The following CDK18 variants were observed in gnomAD, a reference collection of about 807,000 sequenced individuals.
CDK18 encodes the protein cyclin dependent kinase 18.
In CDK18, 52 loss-of-function variants were observed where a neutral mutation model predicts 62.0. That is an observed-to-expected ratio of 0.84 (90% CI 0.67 to 1.06). The LOEUF is 1.06. Among genes scored for constraint, CDK18 ranks in the 50% least tolerant of loss-of-function variants. The pLI, the probability that CDK18 is intolerant of heterozygous loss-of-function variation, is 0.00. For synonymous variants in CDK18, 237 were observed against 247.0 expected (o/e 0.96, Z 0.38); for missense variants, 604 against 619.9 (o/e 0.97, Z 0.27).
intron 13 of CDK18, 45 bp from the exon 14 acceptor site, chr1:205,530,214 G>T: frequency 6.2e-7 from 1 of 1,605,080 alleles, no homozygotes. Flanking sequence ...CAGAGGGTTT[G>T]CAGCCCCCCA....
intron 1 of CDK18, among the ~76,000 whole-genome samples, chr1:205,520,526 C>G (rs1341956388): frequency 6.6e-6 from 1 of 152,002 alleles, no homozygotes; most frequent in Non-Finnish European, 1.5e-5. Context: ...ATGGCGAAAT[C>G]CTGTCTCTAC....
At chr1:205,510,995 C>A (rs899456387) in intron 1 of CDK18, among the ~76,000 whole-genome samples, 1 of 152,198 alleles carries the variant, frequency 6.6e-6, no homozygotes, top group African/African-American at 2.4e-5. Context: ...TCCTGGAATG[C>A]CTCAGCCCTG....
Position 205,528,924 on chromosome 1 carries a change from G to T in CDK18, c.975-75G>T. On this transcript the variant is annotated intron_variant, in intron 10 of 15. Transcript: ENST00000429964. This position sits in a 1 kb window ranked among gnomAD's most constrained non-coding sequence, Gnocchi z 4.2. The stretch of plus-strand genomic sequence containing the variant: ...CAGCCGCCTGTGGCAGGTCGTCATT[G>T]GTGCCCTGGTGGAGCAGCCCTAGGA... 2 of 960,810 alleles carry T rather than the reference G, an allele frequency of 2.1e-6. No homozygotes were observed. The highest frequency in any genetic ancestry group is 1.6e-6 in the Non-Finnish European group (1 of 637,452). The allele number at this position is 960,810 out of a possible 1,614,324, so 59.5% of individuals were successfully genotyped here.
chr1:205,529,429 G>T lies in CDK18; in HGVS notation c.1178G>T (p.Arg393Met). Residue 393 changes from arginine (R) to methionine (M), a missense_variant and splice_region_variant, in exon 12 of 16, where the codon AGG (arginine) becomes ATG (methionine). By Grantham distance (91) the Arg-to-Met change is moderately conservative. Transcript: ENST00000429964. ...LPQPLINHAP[R>M]LDTDGIHLLS... ...CAGCCGCTCATCAACCACGCGCCCA[G>T]GTAGCCCCTGCGCCCGCCGCCCCTC... 6.2e-7 allele frequency: 1 copy of T among 1,613,526 alleles called. No individual in the cohort carries two copies.
Position 205,517,856 on chromosome 1 carries a change from C to G in CDK18, c.-21-5291C>G, listed in dbSNP as rs180977101. ...TCTCCCCTTGCTCCCCTTGTCTGTT[C>G]TCAACACAGCAGCGTGTTAAAGCCT... is the stretch of plus-strand genomic sequence containing the variant. On this transcript the variant is annotated intron_variant, in intron 1 of 15. Transcript: ENST00000429964. The surrounding 1 kb of genome is among the most constrained non-coding windows in gnomAD (Gnocchi z 4.1). Among the ~76,000 whole-genome samples, 1 of 152,238 alleles carries G rather than the reference C, an allele frequency of 6.6e-6. No homozygotes were observed. Among genetic ancestry groups the G allele is most frequent in the Non-Finnish European group, 1.5e-5 (1 of 68,014 alleles).
rs1575083963 is a variant in CDK18, at chr1:205,531,477, A to C, written c.*99A>C. The C allele has an allele frequency of 8.8e-7, 1 of 1,136,960 alleles. No homozygotes were observed. Among genetic ancestry groups the C allele is most frequent in the Non-Finnish European group, 1.3e-6 (1 of 750,660 alleles). The allele number at this position is 1,136,960 out of a possible 1,614,324, so 70.4% of individuals were successfully genotyped here. A position where few individuals can be genotyped will look rare whatever the true frequency, so the allele number is the denominator to read the frequency against. ...GTGGCCCTCGGAGGACTGAAGAACG[A>C]GGGCTGACAGCCAGCCTGGAAGACC... On this transcript the variant is annotated 3_prime_UTR_variant, in exon 16 of 16. Transcript: ENST00000429964.
intron 1 of CDK18, among the ~76,000 whole-genome samples, chr1:205,505,211 C>T (rs1342030889): frequency 6.6e-6 from 1 of 152,098 alleles, no homozygotes; most frequent in East Asian, 1.9e-4. Context: ...TCCCTTCATT[C>T]TGGGAAGGGC....
Position 205,514,075 on chromosome 1 carries a change from G to T in CDK18, c.-21-9072G>T, listed in dbSNP as rs562173957. Among the ~76,000 whole-genome samples the T allele has an allele frequency of 4.6e-5, 7 of 152,328 alleles. No individual in the cohort carries two copies. In the South Asian group the frequency reaches 1.5e-3, roughly 32 times the overall value. On this transcript the variant is annotated intron_variant, in intron 1 of 15. Coordinates refer to ENST00000429964, the MANE Select transcript of CDK18 (RefSeq NM_212502.3). ...CTCTGGGGGTGCAATGACGAGTCACGCCACAGTGCTTGCCCTTAAAAAGCC... is the reference window on the plus strand; with the variant it reads ...CTCTGGGGGTGCAATGACGAGTCACTCCACAGTGCTTGCCCTTAAAAAGCC...
At chr1:205,525,879 C>T (rs74141242) in intron 5 of CDK18, among the ~76,000 whole-genome samples, 186 bp from the exon 6 acceptor site, 6,940 of 152,198 alleles carry the variant, frequency 0.046, 528 homozygotes, top group African/African-American at 0.16. Flanking sequence ...GGATTCACTC[C>T]GACTGGGGAG....
At chr1:205,519,855 G>A (rs55675283) in intron 1 of CDK18, among the ~76,000 whole-genome samples, 10,357 of 152,214 alleles carry the variant, frequency 0.068, 434 homozygotes, top group South Asian at 0.18. Flanking sequence ...GCAAGAGCAA[G>A]GGTGTGAGAT....
intron 1 of CDK18, among the ~76,000 whole-genome samples, chr1:205,510,134 TATC>T (rs913972993): frequency 2.6e-5 from 4 of 152,008 alleles, no homozygotes; most frequent in African/African-American, 9.7e-5. Context: ...TTCCCCATCT[TATC>T]ATTATCGAGG....
intron 1 of CDK18, among the ~76,000 whole-genome samples, chr1:205,506,918 C>T (rs1667332397): frequency 6.6e-6 from 1 of 152,238 alleles, no homozygotes; most frequent in South Asian, 2.1e-4. Flanking sequence ...GTTGCCAGCC[C>T]TGCAAACCCC....
intron 1 of CDK18, among the ~76,000 whole-genome samples, chr1:205,506,231 C>G (rs1242801046): frequency 1.3e-5 from 2 of 152,128 alleles, no homozygotes; most frequent in African/African-American, 2.4e-5. Flanking sequence ...TGAAGGCGTT[C>G]CAGAGAGAGG....
intron 1 of CDK18, among the ~76,000 whole-genome samples, chr1:205,506,946 C>T (rs181738609): frequency 1.6e-4 from 25 of 152,350 alleles, no homozygotes; most frequent in Admixed American, 1.6e-3. Context: ...GTCTAGAGGA[C>T]ATGGAGCTGC....
chr1:205,530,122 T>C, intron 13 of CDK18, 137 bp from the exon 14 acceptor site: 1 of 1,490,054 alleles, frequency 6.7e-7, no homozygotes, highest in Non-Finnish European at 8.9e-7. Context: ...TGGTAGGGGC[T>C]GGAGGCTGAC....
At chr1:205,506,930 G>A (rs1014795456) in intron 1 of CDK18, among the ~76,000 whole-genome samples, 6 of 152,166 alleles carry the variant, frequency 3.9e-5, no homozygotes, top group African/African-American at 9.7e-5. Context: ...GCAAACCCCC[G>A]CTCAGGTCTA....
chr1:205,519,165 G>A (rs1220258519), intron 1 of CDK18, among the ~76,000 whole-genome samples: 2 of 152,206 alleles, frequency 1.3e-5, no homozygotes, highest in Non-Finnish European at 2.9e-5. Context: ...CCACTTGGGG[G>A]TGAGGGGTAG....
chr1:205,513,853 A>C (rs1469081803), intron 1 of CDK18, among the ~76,000 whole-genome samples: 1 of 151,646 alleles, frequency 6.6e-6, no homozygotes, highest in African/African-American at 2.4e-5. Flanking sequence ...CAGCCCAAAA[A>C]CCTCCACAGA....
intron 1 of CDK18, among the ~76,000 whole-genome samples, chr1:205,506,935 G>A (rs78356656): frequency 0.028 from 4,289 of 152,282 alleles, 184 homozygotes; most frequent in African/African-American, 0.098. Context: ...CCCCCGCTCA[G>A]GTCTAGAGGA....
Sources: allele counts gnomAD v4.1 joint callset (sites outside exome capture counted in the v4.1 genomes callset), GRCh38; gene constraint gnomAD v4.1.1; non-coding constraint Gnocchi (gnomAD v3.1); transcripts MANE v1.5; gene names NCBI Gene and HGNC (gene_info 2026-07-23, HGNC 2026-07-21).